NELL2: variants seen among roughly 807,000 people sequenced by gnomAD.
NELL2 encodes the protein neural EGFL like 2.
In NELL2, 41 loss-of-function variants were observed where a neutral mutation model predicts 109.6. The observed-to-expected ratio is 0.37, with a 90% CI of 0.29 to 0.49. The LOEUF is 0.49. Ranked by LOEUF, NELL2 falls within the 20% of genes least tolerant of loss-of-function variation. The probability of loss-of-function intolerance (pLI) is 0.98; values close to 1 mark genes in which losing one functional copy is unlikely to be tolerated. For synonymous variants in NELL2, 355 were observed against 344.7 expected (o/e 1.03, Z -0.33); for missense variants, 900 against 1,008.3 (o/e 0.89, Z 1.45).
At chr12:44,565,416 T>A (rs1206525681) in intron 15 of NELL2, among the ~76,000 whole-genome samples, 1 of 152,192 alleles carries the variant, frequency 6.6e-6, no homozygotes, top group African/African-American at 2.4e-5. Flanking sequence ...TACGTGCATC[T>A]TAGAATTGAT....
chr12:44,903,765 A>T (rs1372892320), intron 1 of NELL2, among the ~76,000 whole-genome samples: 1 of 151,932 alleles, frequency 6.6e-6, no homozygotes, highest in Non-Finnish European at 1.5e-5. Flanking sequence ...GGAAACGATC[A>T]TTCTCAGCAA....
intron 15 of NELL2, among the ~76,000 whole-genome samples, chr12:44,555,796 C>A (rs1452257): frequency 6.6e-6 from 1 of 151,950 alleles, no homozygotes; most frequent in East Asian, 1.9e-4. Context: ...AATCTAGCAG[C>A]AAATCTGCCT....
chr12:44,696,480 T>C (rs551749505), intron 12 of NELL2, among the ~76,000 whole-genome samples: 1 of 152,206 alleles, frequency 6.6e-6, no homozygotes, highest in Admixed American at 6.5e-5. Flanking sequence ...AAACTTCTAA[T>C]AGTTGAGGTC....
At chr12:44,723,201 A>C (rs1938882134) in intron 9 of NELL2, among the ~76,000 whole-genome samples, 1 of 152,056 alleles carries the variant, frequency 6.6e-6, no homozygotes, top group African/African-American at 2.4e-5. Context: ...AAAAAAAAAA[A>C]AACTCAATGC....
chr12:44,894,317 T>G (rs977292834), intron 1 of NELL2, among the ~76,000 whole-genome samples: 1 of 152,212 alleles, frequency 6.6e-6, no homozygotes, highest in Non-Finnish European at 1.5e-5. Context: ...ACATCTATGT[T>G]TTGTTCTATT....
At chr12:44,841,164 A>G (rs1320946980) in intron 2 of NELL2, among the ~76,000 whole-genome samples, 1 of 152,246 alleles carries the variant, frequency 6.6e-6, no homozygotes, top group Non-Finnish European at 1.5e-5. Context: ...AGAAAAGAAC[A>G]GAAATTGGCA....
chr12:44,848,280 G>A (rs1346316339), intron 2 of NELL2, among the ~76,000 whole-genome samples: 7 of 152,146 alleles, frequency 4.6e-5, no homozygotes, highest in Non-Finnish European at 1.0e-4. Context: ...AAGCGATGCA[G>A]AGGACCAACC....
chr12:44,877,733 C>T (rs1316083185), upstream of NELL2, among the ~76,000 whole-genome samples: 2 of 152,002 alleles, frequency 1.3e-5, no homozygotes, highest in African/African-American at 2.4e-5. Context: ...ATTCAGAATT[C>T]GGGAGCTCTT....
intron 1 of NELL2, among the ~76,000 whole-genome samples, chr12:44,908,979 A>G (rs1057440676): frequency 3.3e-5 from 5 of 151,952 alleles, no homozygotes; most frequent in African/African-American, 9.7e-5. Flanking sequence ...CTGTCACAGA[A>G]CACATAAGAA....
At chr12:44,684,761 G>A (rs935622842) in intron 12 of NELL2, among the ~76,000 whole-genome samples, 1 of 152,160 alleles carries the variant, frequency 6.6e-6, no homozygotes, top group African/African-American at 2.4e-5. Context: ...GTTCTAGTTT[G>A]ATTGCACTGT....
At chr12:44,842,723 A>G (rs1480535741) in intron 2 of NELL2, among the ~76,000 whole-genome samples, 3 of 152,186 alleles carry the variant, frequency 2.0e-5, no homozygotes, top group Non-Finnish European at 2.9e-5. Flanking sequence ...CTTATTTGCA[A>G]TTAACAAGAT....
At chr12:44,808,116 G>C (rs1012777002) in intron 3 of NELL2, among the ~76,000 whole-genome samples, 2 of 152,080 alleles carry the variant, frequency 1.3e-5, no homozygotes, top group Admixed American at 6.6e-5. Context: ...ATATGGGCTG[G>C]TTAGTCTATG....
At chr12:44,724,930 T>C (rs951276388) in intron 9 of NELL2, among the ~76,000 whole-genome samples, 1 of 150,928 alleles carries the variant, frequency 6.6e-6, no homozygotes. Context: ...CATAGACCAA[T>C]GGAACAGAAT....
chr12:44,690,160 A>AT, intron 12 of NELL2, among the ~76,000 whole-genome samples: 2 of 152,262 alleles, frequency 1.3e-5, no homozygotes, highest in East Asian at 3.9e-4. Flanking sequence ...AGGAATGTGC[A>AT]TTTTTCATAA....
At chr12:44,896,423 A>T (rs1470712142) in intron 1 of NELL2, among the ~76,000 whole-genome samples, 1 of 152,230 alleles carries the variant, frequency 6.6e-6, no homozygotes, top group African/African-American at 2.4e-5. Context: ...AAAGATACTA[A>T]CATAATTTTT....
At chr12:44,823,217 C>A (rs1056983208) in intron 2 of NELL2, among the ~76,000 whole-genome samples, 1 of 152,076 alleles carries the variant, frequency 6.6e-6, no homozygotes, top group Admixed American at 6.6e-5. Context: ...ATCAAGCTTT[C>A]TAACATATCC....
chr12:44,712,298 C>T (rs1938246229), intron 10 of NELL2, among the ~76,000 whole-genome samples: 1 of 152,010 alleles, frequency 6.6e-6, no homozygotes, highest in Admixed American at 6.6e-5. Context: ...CAATATCTGC[C>T]TTTTCCTGGC....
intron 16 of NELL2, among the ~76,000 whole-genome samples, chr12:44,529,990 T>C (rs1941967871): frequency 6.6e-6 from 1 of 152,206 alleles, no homozygotes; most frequent in Non-Finnish European, 1.5e-5. Flanking sequence ...TGAACACTGA[T>C]AGGAATGATG....
At chr12:44,683,353 T>G (rs867270522) in intron 12 of NELL2, among the ~76,000 whole-genome samples, 9 of 144,448 alleles carry the variant, frequency 6.2e-5, no homozygotes, top group Admixed American at 4.0e-4. Flanking sequence ...TATACTATCA[T>G]GTCGTCTGCA....
Sources: gnomAD v4.1 joint callset for allele counts (sites outside exome capture counted in the v4.1 genomes callset) on GRCh38, gnomAD v4.1.1 for gene constraint, MANE v1.5 for transcripts, NCBI Gene and HGNC (gene_info 2026-07-23, HGNC 2026-07-21) for gene names.